PAK5: variants seen among roughly 807,000 people sequenced by gnomAD.
PAK5 encodes serine/threonine-protein kinase PAK 5.
A neutral mutation model predicts 65.9 loss-of-function variants in PAK5; 16 were observed. That is an observed-to-expected ratio of 0.24 (90% confidence interval 0.16 to 0.37). The LOEUF is 0.37. Among genes scored for constraint, PAK5 ranks in the 10% least tolerant of loss-of-function variants. PAK5 has a pLI of 1.00. For missense variants in PAK5, 785 were observed against 903.9 expected (o/e 0.87, Z 1.69); for synonymous variants, 371 against 354.9 (o/e 1.05, Z -0.51).
intron 1 of PAK5, among the ~76,000 whole-genome samples, chr20:9,718,660 C>A (rs1363678970): frequency 6.6e-6 from 1 of 152,130 alleles, no homozygotes; most frequent in East Asian, 1.9e-4. Flanking sequence ...AAATAATAAA[C>A]TGAATTGAGA....
intron 2 of PAK5, among the ~76,000 whole-genome samples, chr20:9,653,640 T>C (rs1427551791): frequency 1.3e-5 from 2 of 152,242 alleles, no homozygotes; most frequent in African/African-American, 2.4e-5. Context: ...TCCCCAGATG[T>C]CTACTACATC....
intron 1 of PAK5, among the ~76,000 whole-genome samples, chr20:9,787,989 G>A (rs1423833856): frequency 6.6e-6 from 1 of 151,088 alleles, no homozygotes; most frequent in Non-Finnish European, 1.5e-5. Flanking sequence ...GTGTTGGGGG[G>A]GGTATGTGTG....
At chr20:9,723,115 A>T (rs1396986275) in intron 1 of PAK5, among the ~76,000 whole-genome samples, 3 of 152,186 alleles carry the variant, frequency 2.0e-5, no homozygotes, top group African/African-American at 4.8e-5. Context: ...CGGGTGCATG[A>T]TCTAACTTAC....
At chr20:9,786,069 A>T (rs2048989653) in intron 1 of PAK5, among the ~76,000 whole-genome samples, 1 of 152,140 alleles carries the variant, frequency 6.6e-6, no homozygotes, top group African/African-American at 2.4e-5. Context: ...TGGTTGAAAG[A>T]CGGCTGACCT....
chr20:9,802,233 T>A (rs993475053), intron 1 of PAK5, among the ~76,000 whole-genome samples: 1 of 151,978 alleles, frequency 6.6e-6, no homozygotes, highest in Non-Finnish European at 1.5e-5. Flanking sequence ...ACAATCTGGG[T>A]CAGGAGGCAA....
intron 3 of PAK5, among the ~76,000 whole-genome samples, chr20:9,585,763 G>A (rs1270416212): frequency 3.9e-5 from 6 of 152,130 alleles, no homozygotes; most frequent in Non-Finnish European, 8.8e-5. Context: ...ACATCCTAAT[G>A]CCCTCAACGA....
At chr20:9,705,658 A>G (rs867563124) in intron 2 of PAK5, among the ~76,000 whole-genome samples, 1 of 152,124 alleles carries the variant, frequency 6.6e-6, no homozygotes, top group South Asian at 2.1e-4. Flanking sequence ...GGTTACCTAT[A>G]CATCTTATAT....
chr20:9,703,956 A>T (rs187354150), intron 2 of PAK5, among the ~76,000 whole-genome samples: 2 of 152,260 alleles, frequency 1.3e-5, no homozygotes, highest in East Asian at 3.9e-4. Flanking sequence ...TTCAGGTGAG[A>T]TTCCTACATA....
intron 2 of PAK5, among the ~76,000 whole-genome samples, chr20:9,692,311 G>A (rs1267637499): frequency 2.6e-5 from 4 of 152,046 alleles, no homozygotes; most frequent in Admixed American, 1.3e-4. Context: ...ATTAGCTTTC[G>A]AAATTACTTG....
chr20:9,624,210 A>G (rs1321267329), intron 3 of PAK5, among the ~76,000 whole-genome samples: 2 of 152,212 alleles, frequency 1.3e-5, no homozygotes, highest in Non-Finnish European at 2.9e-5. Flanking sequence ...TGCTATAAAA[A>G]TAAGTAAGGC....
chr20:9,824,272 G>A (rs1249871282), intron 1 of PAK5, among the ~76,000 whole-genome samples: 1 of 152,198 alleles, frequency 6.6e-6, no homozygotes, highest in Non-Finnish European at 1.5e-5. Context: ...CCAAAAGGAA[G>A]GCCGTGTGTG....
At chr20:9,644,080 G>C (rs768347876) in intron 3 of PAK5, 45 bp downstream of exon 3, 7 of 1,446,596 alleles carry the variant, frequency 4.8e-6, no homozygotes, top group Non-Finnish European at 5.8e-6. Context: ...CATTAAATAA[G>C]AGCATGATTC....
intron 9 of PAK5, among the ~76,000 whole-genome samples, chr20:9,540,672 T>C (rs965274919): frequency 6.6e-6 from 1 of 152,204 alleles, no homozygotes; most frequent in Non-Finnish European, 1.5e-5. Flanking sequence ...TTCTTGTACA[T>C]GGTTTTGAAG....
intron 2 of PAK5, among the ~76,000 whole-genome samples, chr20:9,698,735 G>A (rs1461650247): frequency 6.6e-6 from 1 of 152,134 alleles, no homozygotes; most frequent in Non-Finnish European, 1.5e-5. Flanking sequence ...CTGCACTGCT[G>A]TCTATAAGTG....
chr20:9,716,105 T>A (rs956263995), intron 1 of PAK5, among the ~76,000 whole-genome samples: 51 of 51,400 alleles, frequency 9.9e-4, no homozygotes, highest in East Asian at 8.4e-4. Flanking sequence ...TGAAAAAAAA[T>A]ATCTTCTCAA....
chr20:9,671,240 T>C (rs897944333), intron 2 of PAK5, among the ~76,000 whole-genome samples: 90 of 152,186 alleles, frequency 5.9e-4, no homozygotes, highest in African/African-American at 2.1e-3. Flanking sequence ...TGGCTTAGGA[T>C]TGACTTAGCA....
At chr20:9,665,984 A>G (rs2047411798) in intron 2 of PAK5, among the ~76,000 whole-genome samples, 1 of 152,136 alleles carries the variant, frequency 6.6e-6, no homozygotes, top group African/African-American at 2.4e-5. Flanking sequence ...AGAAAGAGAA[A>G]TAAGCCTCCG....
intron 1 of PAK5, among the ~76,000 whole-genome samples, chr20:9,736,394 A>G (rs1187754288): frequency 6.6e-6 from 1 of 152,204 alleles, no homozygotes; most frequent in African/African-American, 2.4e-5. Context: ...AACTTAATGA[A>G]AATAATGTAT....
chr20:9,698,566 C>A (rs1301127207), intron 2 of PAK5, among the ~76,000 whole-genome samples: 2 of 152,170 alleles, frequency 1.3e-5, no homozygotes, highest in African/African-American at 2.4e-5. Flanking sequence ...CTTTCTAAGT[C>A]ACAGGGCTAA....
Sources: allele counts gnomAD v4.1 joint callset (sites outside exome capture counted in the v4.1 genomes callset), GRCh38; gene constraint gnomAD v4.1.1; transcripts MANE v1.5; gene names NCBI Gene and HGNC (gene_info 2026-07-23, HGNC 2026-07-21).